The following ESPNL variants were observed in gnomAD, a reference collection of about 807,000 sequenced individuals.
The protein encoded by ESPNL is espin-like protein.
Under a neutral mutation model 46.8 loss-of-function variants are expected in ESPNL, and 49 were observed. That is an observed-to-expected ratio of 1.05 (90% confidence interval 0.83 to 1.33). The LOEUF (loss-of-function observed/expected upper bound fraction) is 1.33. Ranked by LOEUF, ESPNL falls within the 40% of genes most tolerant of loss-of-function variation. The pLI, the probability that ESPNL is intolerant of heterozygous loss-of-function variation, is 0.00. For synonymous variants in ESPNL, 664 were observed against 662.1 expected (o/e 1.00, Z -0.04); for missense variants, 1,540 against 1,436.6 (o/e 1.07, Z -1.16).
Position 238,132,060 on chromosome 2 carries a change from A to G in ESPNL, c.*328A>G. The G allele has an allele frequency of 3.8e-6, 1 of 264,384 alleles. No homozygotes were observed. The highest frequency in any genetic ancestry group is 7.7e-5 in the East Asian group (1 of 12,904). 16.4% of individuals were successfully genotyped at this position (264,384 alleles called of 1,614,324 possible). A position where few individuals can be genotyped will look rare whatever the true frequency, so the allele number is the denominator to read the frequency against. On this transcript the variant is annotated 3_prime_UTR_variant, in exon 9 of 9. Transcript: ENST00000343063. Reference sequence around the variant, plus strand: ...TTCTCACTTGTCCTTCCCCAGTGTCACCAGTTCCCTTGGCGTCCTGTCCCT... The same window carrying G: ...TTCTCACTTGTCCTTCCCCAGTGTCGCCAGTTCCCTTGGCGTCCTGTCCCT...
At chr2:238,129,314 G>A (rs1224884887) in intron 8 of ESPNL, 9 of 993,958 alleles carry the variant, frequency 9.1e-6, no homozygotes, top group African/African-American at 1.7e-5. Flanking sequence ...TGGGTGCTTA[G>A]GGGGCCCCCT....
chr2:238,105,710 G>A (rs538666213), intron 3 of ESPNL, among the ~76,000 whole-genome samples: 21 of 152,232 alleles, frequency 1.4e-4, no homozygotes, highest in African/African-American at 3.9e-4. Context: ...AGACAGAGGC[G>A]CTGGGAGGAC....
At position 238,132,464 on chromosome 2, in the gene ESPNL, G is replaced by A. The variant is rs1692365669; in HGVS notation, c.*732G>A. ...GACGTGGGAGTAGCAGTGGCTGAGA[G>A]AGTCCTCCAGGCAGGGTGGCTGGTG... On this transcript the variant is annotated 3_prime_UTR_variant, in exon 9 of 9. Coordinates refer to ENST00000343063, the MANE Select transcript of ESPNL (RefSeq NM_194312.4). 1 of 152,448 alleles carries A rather than the reference G, an allele frequency of 6.6e-6. No homozygotes were observed. Among genetic ancestry groups the A allele is most frequent in the Non-Finnish European group, 1.5e-5 (1 of 68,216 alleles). 9.4% of individuals were successfully genotyped at this position (152,448 alleles called of 1,614,324 possible). A position where few individuals can be genotyped will look rare whatever the true frequency, so the allele number is the denominator to read the frequency against.
intron 8 of ESPNL, among the ~76,000 whole-genome samples, chr2:238,129,760 T>C (rs1267431190): frequency 1.3e-5 from 2 of 152,334 alleles, no homozygotes; most frequent in East Asian, 3.9e-4. Flanking sequence ...TTAAGGAAAG[T>C]AAAAGTCCTG....
At chr2:238,119,856 C>A (rs1225581776) in intron 5 of ESPNL, among the ~76,000 whole-genome samples, 1 of 152,066 alleles carries the variant, frequency 6.6e-6, no homozygotes, top group African/African-American at 2.4e-5. Flanking sequence ...CTGGGACCAA[C>A]TGGGGCAGAG....
At chr2:238,112,445 T>C (rs1027336221) in intron 4 of ESPNL, among the ~76,000 whole-genome samples, 2 of 151,428 alleles carry the variant, frequency 1.3e-5, no homozygotes, top group South Asian at 2.1e-4. Flanking sequence ...CAGTAGTTTT[T>C]CCAACGATCA....
rs563183708 is a variant in ESPNL at position 238,124,126 on chromosome 2, TC to T, written c.988-1139del. ...TCGAGCAAGCTGCAGCATGGGTCCCTCCCCCTCCCACGACGGGCCCTGGGCC... is the reference window on the plus strand; with the variant it reads ...TCGAGCAAGCTGCAGCATGGGTCCCTCCCCTCCCACGACGGGCCCTGGGCC... On this transcript the variant is annotated intron_variant, in intron 5 of 8. Coordinates refer to ENST00000343063, the MANE Select transcript of ESPNL (RefSeq NM_194312.4). Among the ~76,000 whole-genome samples the T allele has an allele frequency of 4.6e-5, 7 of 152,218 alleles. No individual in the cohort carries two copies. The South Asian group carries it at 1.5e-3, about 32-fold the overall frequency.
chr2:238,100,387 G>T lies in ESPNL; in HGVS notation c.-33G>T. 1.3e-6 allele frequency: 2 copies of T among 1,567,140 alleles called. No individual in the cohort carries two copies. Among genetic ancestry groups the T allele is most frequent in the Non-Finnish European group, 8.6e-7 (1 of 1,161,928 alleles). The stretch of plus-strand genomic sequence containing the variant: ...TCTGAAACAGGAAGCCCCAGCCTGT[G>T]CATGAGTCGCCACTGAGAGCCCGGG... On this transcript the variant is annotated 5_prime_UTR_variant, in exon 1 of 9. Transcript: ENST00000343063.
intron 6 of ESPNL, among the ~76,000 whole-genome samples, chr2:238,125,812 A>AGTGGAGTGGAGTGGAG (rs1559266372): frequency 1.6e-5 from 1 of 63,156 alleles, no homozygotes; most frequent in African/African-American, 4.6e-5. Context: ...GTGGAGTGGA[A>AGTGGAGTGGAGTGGAG]TGGAATTATC....
intron 4 of ESPNL, among the ~76,000 whole-genome samples, chr2:238,112,932 C>A (rs920709688): frequency 2.0e-5 from 3 of 152,128 alleles, no homozygotes; most frequent in Non-Finnish European, 2.9e-5. Flanking sequence ...TGCATATGTT[C>A]TTGGAAAGAC....
chr2:238,125,835 AG>A (rs1258831270), intron 6 of ESPNL, among the ~76,000 whole-genome samples: 3 of 151,304 alleles, frequency 2.0e-5, no homozygotes, highest in Non-Finnish European at 4.4e-5. Context: ...CAGGTGCCAC[AG>A]GTAGTGAGGG....
intron 4 of ESPNL, among the ~76,000 whole-genome samples, chr2:238,108,361 G>A (rs1691645955): frequency 6.6e-6 from 1 of 152,094 alleles, no homozygotes; most frequent in Non-Finnish European, 1.5e-5. Flanking sequence ...AATCTTGGGG[G>A]CTCACATGGC....
At chr2:238,126,056 ATG>A (rs1206389406) in intron 6 of ESPNL, among the ~76,000 whole-genome samples, 1 of 140,646 alleles carries the variant, frequency 7.1e-6, no homozygotes, top group Non-Finnish European at 1.6e-5. Context: ...GTCTGTGTGT[ATG>A]TGTGTGATTG....
chr2:238,107,755 G>A, intron 3 of ESPNL, 36 bp from the exon 4 acceptor site: 4 of 1,532,112 alleles, frequency 2.6e-6, no homozygotes, highest in Non-Finnish European at 3.5e-6. Flanking sequence ...CTCCTCCCTG[G>A]GAGGATGGCT....
In ESPNL at chr2:238,128,874, C is replaced by T. The variant is rs1382884441; in HGVS notation, c.1383C>T (p.Arg461=). The T allele has an allele frequency of 1.3e-6, 2 of 1,545,158 alleles. No individual in the cohort carries two copies. Among genetic ancestry groups the T allele is most frequent in the Admixed American group, 2.0e-5 (1 of 50,984 alleles). The change falls in exon 8 of 9, where the codon CGC becomes CGT. Residue 461 remains arginine (R), a synonymous_variant. Transcript: ENST00000343063. ...RQVMVRKLQA[R]LGAESSAEAQ... is the part of the protein sequence containing the mutation. ...TGATGGTGCGGAAGCTGCAGGCGCGCCTGGGCGCAGAGAGCTCCGCAGAGG... is the reference window on the plus strand; with the variant it reads ...TGATGGTGCGGAAGCTGCAGGCGCGTCTGGGCGCAGAGAGCTCCGCAGAGG...
In ESPNL at chr2:238,131,446, G is replaced by A. The variant is rs754198482; in HGVS notation, c.2732G>A (p.Gly911Asp). The A allele has an allele frequency of 1.2e-6, 2 of 1,609,542 alleles. No individual in the cohort carries two copies. Among genetic ancestry groups the A allele is most frequent in the Non-Finnish European group, 1.7e-6 (2 of 1,178,260 alleles). Residue 911 changes from glycine (G) to aspartate (D), a missense_variant, in exon 9 of 9, where the codon GGC becomes GAC. Gly to Asp is a moderately conservative substitution (Grantham distance 94, BLOSUM62 -1). Coordinates refer to ENST00000343063, the MANE Select transcript of ESPNL (RefSeq NM_194312.4). ...HKAVTDEVAA[G>D]RRAWTDGFED... ...GCCGTGACCGACGAGGTGGCCGCCG[G>A]CCGCCGGGCCTGGACCGACGGCTTC...
At chr2:238,129,081 C>T in intron 8 of ESPNL, 177 bp downstream of exon 8, 2 of 1,426,496 alleles carry the variant, frequency 1.4e-6, no homozygotes, top group Non-Finnish European at 1.8e-6. Context: ...CCAGAGGACT[C>T]TGAGCAGAGC....
chr2:238,127,098 G>GTCTGTATGATTGTGTC (rs1343715367), intron 6 of ESPNL, among the ~76,000 whole-genome samples: 2 of 34,840 alleles, frequency 5.7e-5, no homozygotes, highest in East Asian at 5.0e-3. Flanking sequence ...GATTGTGTCT[G>GTCTGTATGATTGTGTC]TGTCTGTATG....
At chr2:238,123,119 G>A (rs1692024246) in intron 5 of ESPNL, among the ~76,000 whole-genome samples, 1 of 152,186 alleles carries the variant, frequency 6.6e-6, no homozygotes, top group South Asian at 2.1e-4. Flanking sequence ...TATCTCCTCT[G>A]AGGACCGTTG....
Sources: allele counts gnomAD v4.1 joint callset (sites outside exome capture counted in the v4.1 genomes callset), GRCh38; gene constraint gnomAD v4.1.1; transcripts MANE v1.5; gene names NCBI Gene and HGNC (gene_info 2026-07-23, HGNC 2026-07-21).